The following CIC variants were observed in gnomAD, a reference collection of about 807,000 sequenced individuals.
The protein encoded by CIC is protein capicua homolog.
In CIC, 18 loss-of-function variants were observed where a neutral mutation model predicts 115.7. The observed-to-expected ratio is 0.16, with a 90% CI of 0.11 to 0.23. The LOEUF is 0.23. CIC is among the 10% of genes least tolerant of loss of function. The pLI is 1.00. For synonymous variants in CIC, 1,076 were observed against 923.0 expected (o/e 1.17, Z -3.01); for missense variants, 2,000 against 2,159.3 (o/e 0.93, Z 1.46).
Position 42,287,550 on chromosome 19 carries a change from G to A in CIC, c.3315G>A (p.Glu1105=), listed in dbSNP as rs2037749549. The change falls in exon 6 of 21, where the codon GAG becomes GAA. Residue 1105 remains glutamate (E), a synonymous_variant. Transcript: ENST00000681038. The surrounding 1 kb of genome is among the most constrained non-coding windows in gnomAD (Gnocchi z 8.7). ...CTGGGCTGTGTTTAATGCAGCGGGA[G>A]AAGGACCACATCCGGCGGCCCATGA... ...EKDGRSPNKR[E]KDHIRRPMNA... is the part of the protein sequence containing the mutation. 1 of 1,613,378 alleles carries A rather than the reference G, an allele frequency of 6.2e-7. No individual in the cohort carries two copies. The highest frequency in any genetic ancestry group is 8.5e-7 in the Non-Finnish European group (1 of 1,180,034).
Position 42,294,251 on chromosome 19 carries a change from A to T in CIC, c.7001A>T (p.Asn2334Ile). 6.2e-7 allele frequency: 1 copy of T among 1,613,758 alleles called. No individual in the cohort carries two copies. Among genetic ancestry groups the T allele is most frequent in the Non-Finnish European group, 8.5e-7 (1 of 1,180,020 alleles). ...CGCTCCAGCTGCAGCTCGGAGCCCA[A>T]CACCCCCAAGAGTGCCAAGTGCGAG... ...RRRSSCSSEPNTPKSAKCEGD... is the reference protein window; with the variant it reads ...RRRSSCSSEPITPKSAKCEGD... The change falls in exon 19 of 21, where the codon AAC becomes ATC. Residue 2334 changes from asparagine (N) to isoleucine (I), a missense_variant. By Grantham distance (149) the Asn-to-Ile change is moderately radical. This residue lies in a region of CIC where 99 missense variants were observed against 217.6 expected (regional missense o/e 0.45). Coordinates refer to ENST00000681038, the MANE Select transcript of CIC (RefSeq NM_001386298.1).
intron 20 of CIC, 37 bp from the exon 21 acceptor site, chr19:42,294,787 T>A: frequency 6.2e-7 from 1 of 1,608,132 alleles, no homozygotes; most frequent in Non-Finnish European, 8.5e-7. Context: ...TATCTGTACA[T>A]CTCATCCTGT....
Position 42,283,557 on chromosome 19 carries a change from TGAG to T in CIC, c.2795-3210_2795-3208del, listed in dbSNP as rs2037364369. ...GCACGAAAGTGTGTCTGTATGTCTGTGAGGAGTGTGAGTGTGAGTAGGTGAGGG... is the reference window on the plus strand; with the variant it reads ...GCACGAAAGTGTGTCTGTATGTCTGTGAGTGTGAGTGTGAGTAGGTGAGGG... On this transcript the variant is annotated intron_variant, in intron 2 of 20. Coordinates refer to ENST00000681038, the MANE Select transcript of CIC (RefSeq NM_001386298.1). Among the ~76,000 whole-genome samples, 4 of 151,992 alleles carry T rather than the reference TGAG, an allele frequency of 2.6e-5. No homozygotes were observed. The South Asian group carries it at 6.2e-4, about 24-fold the overall frequency.
Position 42,287,864 on chromosome 19 carries a change from C to T in CIC, c.3547C>T (p.Arg1183Ter), listed in dbSNP as rs1199661448. The change falls in exon 7 of 21, where the codon CGA (arginine) becomes TGA (stop). Residue 1183 changes from arginine to a stop codon, truncating the protein, a stop_gained. Coordinates refer to ENST00000681038, the MANE Select transcript of CIC (RefSeq NM_001386298.1). LOFTEE classifies it high-confidence loss of function. This position sits in a 1 kb window ranked among gnomAD's most constrained non-coding sequence, Gnocchi z 8.7. ...HPDWKWCNKD[R>*]KKSSSEAKPT... ...AGATTGGAAGTGGTGCAACAAGGAC[C>T]GAAAGAAGTCCAGCTCAGAGGCCAA... 1 of 1,612,836 alleles carries T rather than the reference C, an allele frequency of 6.2e-7. No homozygotes were observed. The highest frequency in any genetic ancestry group is 8.5e-7 in the Non-Finnish European group (1 of 1,179,432).
chr19:42,288,984 C>T lies in CIC; in HGVS notation c.3755C>T (p.Thr1252Ile), dbSNP rs1292950636. 6.8e-6 allele frequency: 11 copies of T among 1,613,892 alleles called. No individual in the cohort carries two copies. Among genetic ancestry groups the T allele is most frequent in the Non-Finnish European group, 9.3e-6 (11 of 1,180,050 alleles). Residue 1252 changes from threonine to isoleucine, a missense_variant, in exon 8 of 21, where the codon ACA becomes ATA. Thr to Ile is a moderately conservative substitution (Grantham distance 89). Coordinates refer to ENST00000681038, the MANE Select transcript of CIC (RefSeq NM_001386298.1). Reference protein sequence around the residue: ...SSSCGAERLHTVGGPGSARPR... With the variant: ...SSSCGAERLHIVGGPGSARPR... ...TCCTGTGGGGCAGAACGGCTACACA[C>T]AGTTGGGGGACCTGGCTCAGCCCGG...
In CIC at chr19:42,292,224, C is replaced by A. The variant is rs2038177107; in HGVS notation, c.5735+17C>A. ...CTCCACCAGGTAATTGCAGCTGAGCCCATACTCAGAGGCCAGGGAAGGGGT... is the reference window on the plus strand; with the variant it reads ...CTCCACCAGGTAATTGCAGCTGAGCACATACTCAGAGGCCAGGGAAGGGGT... On this transcript the variant is annotated intron_variant, in intron 13 of 20. Transcript: ENST00000681038. 3 of 1,613,864 alleles carry A rather than the reference C, an allele frequency of 1.9e-6. No individual in the cohort carries two copies. Among genetic ancestry groups the A allele is most frequent in the Non-Finnish European group, 2.5e-6 (3 of 1,180,038 alleles).
rs2038441187 is a variant in CIC, at chr19:42,295,316, G to T, written c.*125G>T. On this transcript the variant is annotated 3_prime_UTR_variant, in exon 21 of 21. Transcript: ENST00000681038. ...TCCTCTCCAGTTTGGGGCGGAATGAGGCCTGCTCCTCTTGTAAATACCCCC... is the reference window on the plus strand; with the variant it reads ...TCCTCTCCAGTTTGGGGCGGAATGATGCCTGCTCCTCTTGTAAATACCCCC... The T allele has an allele frequency of 1.2e-6, 1 of 823,500 alleles. No individual in the cohort carries two copies. The highest frequency in any genetic ancestry group is 1.9e-6 in the Non-Finnish European group (1 of 528,492). 51.0% of individuals were successfully genotyped at this position (823,500 alleles called of 1,614,324 possible).
At chr19:42,290,202 G>T (rs2037972238) in intron 10 of CIC, 31 bp from the exon 11 acceptor site, 1 of 1,613,766 alleles carries the variant, frequency 6.2e-7, no homozygotes, top group Admixed American at 1.7e-5. Context: ...GGAGTGTCCT[G>T]ACCTGGGGTG....
rs141594034 is a variant in CIC, at chr19:42,290,798, G to A, written c.4757G>A (p.Arg1586Gln). The change falls in exon 11 of 21, where the codon CGG becomes CAG. Residue 1586 changes from arginine to glutamine, a missense_variant. By Grantham distance (43) the Arg-to-Gln change is conservative. This residue lies in a region of CIC where 1,466 missense variants were observed against 1,390.4 expected (regional missense o/e 1.05). Coordinates refer to ENST00000681038, the MANE Select transcript of CIC (RefSeq NM_001386298.1). ...GCCACCATGGTCACCAATGTGGTGC[G>A]GCCTGTCAGCAGCACTCCTGTGCCC... ...PAATMVTNVV[R>Q]PVSSTPVPIA... 3.5e-5 allele frequency: 56 copies of A among 1,609,644 alleles called. No individual in the cohort carries two copies. Among genetic ancestry groups the A allele is most frequent in the African/African-American group, 6.7e-5 (5 of 74,784 alleles).
At chr19:42,278,084 C>G (rs909748421) in intron 2 of CIC, among the ~76,000 whole-genome samples, 1 of 152,240 alleles carries the variant, frequency 6.6e-6, no homozygotes, top group African/African-American at 2.4e-5. Flanking sequence ...CCTGCCTGCT[C>G]CTGCCCCCAG....
chr19:42,278,191 T>A (rs1311827050), intron 2 of CIC, among the ~76,000 whole-genome samples: 1 of 152,184 alleles, frequency 6.6e-6, no homozygotes, highest in Non-Finnish European at 1.5e-5. Flanking sequence ...CGTTGCCACC[T>A]CCCTCTGAAT....
At chr19:42,284,076 T>C (rs192042891) in intron 2 of CIC, 3 of 124,602 alleles carry the variant, frequency 2.4e-5, no homozygotes, top group Admixed American at 7.6e-5. Flanking sequence ...GGGGAGGCGG[T>C]GGTGGTTCGG....
Position 42,289,036 on chromosome 19 carries a change from A to T in CIC, c.3807A>T (p.Val1269=). 1 of 1,613,770 alleles carries T rather than the reference A, an allele frequency of 6.2e-7. No individual in the cohort carries two copies. The highest frequency in any genetic ancestry group is 1.3e-5 in the African/African-American group (1 of 75,048). Residue 1269 remains valine (V), a synonymous_variant, in exon 8 of 21, where the codon GTA becomes GTT. Transcript: ENST00000681038. ...CCCGAGCTTTCTCCCACAGCGGGGT[A>T]CACAGCCTGGACGGCGGAGAAGTAG... is the stretch of plus-strand genomic sequence containing the variant. ...ARPRAFSHSG[V]HSLDGGEVDS...
chr19:42,293,270 C>T lies in CIC; in HGVS notation c.6511C>T (p.Pro2171Ser). The change falls in exon 16 of 21, where the codon CCT becomes TCT. Residue 2171 changes from proline to serine, a missense_variant. Transcript: ENST00000681038. ...TGAGGAGCGGACCAGCGCCAAGGGC[C>T]CTGAGACCATGGTGAGCGCCTGCAG... ...PAEERTSAKG[P>S]ETMASKFPSS... The T allele has an allele frequency of 1.9e-6, 3 of 1,579,556 alleles. No individual in the cohort carries two copies. The highest frequency in any genetic ancestry group is 2.6e-6 in the Non-Finnish European group (3 of 1,165,380).
Position 42,295,143 on chromosome 19 carries a change from G to GGGCGCCCC in CIC, c.7506_7507insGGCGCCCC (p.Pro2503GlyfsTer29). Reference sequence around the variant, plus strand: ...AGCCTGGCTGGGAGGGGGCTCCCCAGCCCTCCCCCCCACCCCCAGGTCCCT... The same window carrying GGGCGCCCC: ...AGCCTGGCTGGGAGGGGGCTCCCCAGGGCGCCCCCCCTCCCCCCCACCCCCAGGTCCCT... On this transcript the variant is annotated frameshift_variant, in exon 21 of 21. Transcript: ENST00000681038. LOFTEE classifies it high-confidence loss of function. 2.2e-6 allele frequency: 3 copies of GGGCGCCCC among 1,382,732 alleles called. No homozygotes were observed. The highest frequency in any genetic ancestry group is 2.9e-6 in the Non-Finnish European group (3 of 1,037,820). The allele number at this position is 1,382,732 out of a possible 1,614,324, so 85.7% of individuals were successfully genotyped here. A position where few individuals can be genotyped will look rare whatever the true frequency, so the allele number is the denominator to read the frequency against.
chr19:42,283,291 T>C (rs2037350081), intron 2 of CIC, among the ~76,000 whole-genome samples: 1 of 151,960 alleles, frequency 6.6e-6, no homozygotes, highest in Non-Finnish European at 1.5e-5. Flanking sequence ...TCTGTTTGCA[T>C]GATTCATGTG....
rs773819902 is a variant in CIC at position 42,287,119 on chromosome 19, C to G, written c.3058C>G (p.Pro1020Ala). ...CCCTGAGAGCCCAGGACCCGGACCC[C>G]CACACCCTTTGGGGGTGGTGGAATC... ...TCPESPGPGP[P>A]HPLGVVESGK... The change falls in exon 4 of 21, where the codon CCA (proline) becomes GCA (alanine). Residue 1020 changes from proline to alanine, a missense_variant. Pro to Ala is a conservative substitution (Grantham distance 27, BLOSUM62 -1). Transcript: ENST00000681038. The surrounding 1 kb of genome is among the most constrained non-coding windows in gnomAD (Gnocchi z 8.7). 6.2e-7 allele frequency: 1 copy of G among 1,613,516 alleles called. No individual in the cohort carries two copies. Among genetic ancestry groups the G allele is most frequent in the South Asian group, 1.1e-5 (1 of 91,074 alleles).
In CIC at chr19:42,290,491, C is replaced by A. The variant is rs768052540; in HGVS notation, c.4450C>A (p.Pro1484Thr). The change falls in exon 11 of 21, where the codon CCC (proline) becomes ACC (threonine). Residue 1484 changes from proline to threonine, a missense_variant. Pro to Thr is a conservative substitution (Grantham distance 38). Transcript: ENST00000681038. ...GSTAGPLRPP[P>T]PGAGGPATPS... The stretch of plus-strand genomic sequence containing the variant: ...CACAGCGGGCCCCCTACGGCCCCCA[C>A]CCCCTGGGGCTGGGGGTCCAGCGAC... The A allele has an allele frequency of 3.1e-5, 50 of 1,613,504 alleles. No individual in the cohort carries two copies. Among genetic ancestry groups the A allele is most frequent in the Non-Finnish European group, 4.2e-5 (49 of 1,179,876 alleles).
rs770380344 is a variant in CIC at position 42,287,421 on chromosome 19, C to A, written c.3281C>A (p.Ser1094Tyr). The change falls in exon 5 of 21, where the codon TCT (serine) becomes TAT (tyrosine). Residue 1094 changes from serine (S) to tyrosine (Y), a missense_variant. Physicochemically the swap from Ser to Tyr is moderately radical, Grantham distance 144. Coordinates refer to ENST00000681038, the MANE Select transcript of CIC (RefSeq NM_001386298.1). The surrounding 1 kb of genome is among the most constrained non-coding windows in gnomAD (Gnocchi z 8.7). ...SALPKERDSS[S>Y]EKDGRSPNKR... Reference sequence around the variant, plus strand: ...CTACCCAAGGAACGGGACTCATCTTCTGAGAAGGATGGACGCAGCCCCAAC... The same window carrying A: ...CTACCCAAGGAACGGGACTCATCTTATGAGAAGGATGGACGCAGCCCCAAC... The A allele has an allele frequency of 6.2e-7, 1 of 1,613,984 alleles. No homozygotes were observed. The highest frequency in any genetic ancestry group is 1.7e-5 in the Admixed American group (1 of 60,028).
Sources: gnomAD v4.1 joint callset for allele counts (sites outside exome capture counted in the v4.1 genomes callset) on GRCh38, gnomAD v4.1.1 for gene constraint, gnomAD v4.1.1 regional missense constraint, Gnocchi (gnomAD v3.1) non-coding constraint, MANE v1.5 for transcripts, NCBI Gene and HGNC (gene_info 2026-07-23, HGNC 2026-07-21) for gene names.